The following PAK1 variants were observed in gnomAD, a reference collection of about 807,000 sequenced individuals.
The protein encoded by PAK1 is serine/threonine-protein kinase PAK 1.
A neutral mutation model predicts 67.4 loss-of-function variants in PAK1; 29 were observed. The ratio of observed to expected loss-of-function variants is 0.43; its 90% CI spans 0.32 to 0.59. The LOEUF (loss-of-function observed/expected upper bound fraction) is 0.59, where lower values mean the gene tolerates loss of function less well. PAK1 is among the 20% of genes least tolerant of loss of function. The pLI is 0.07. For missense variants in PAK1, 337 were observed against 670.7 expected, an observed-to-expected ratio of 0.50 and a Z score of 5.50; for synonymous variants, 223 against 237.4, an observed-to-expected ratio of 0.94 and a Z score of 0.56.
At chr11:77,509,395 TC>T in the PAK1 span, among the ~76,000 whole-genome samples, 1 of 152,234 alleles carries the variant, frequency 6.6e-6, no homozygotes, top group Non-Finnish European at 1.5e-5. Flanking sequence ...AAATGAATTA[TC>T]CATTATAAAA....
chr11:77,434,421 T>C (rs1956013098), intron 1 of PAK1, among the ~76,000 whole-genome samples: 1 of 152,068 alleles, frequency 6.6e-6, no homozygotes, highest in South Asian at 2.1e-4. Flanking sequence ...CATGTTTCTT[T>C]TAGGAGGACA....
chr11:77,463,506 C>T (rs1957456142), intron 1 of PAK1, among the ~76,000 whole-genome samples: 1 of 152,218 alleles, frequency 6.6e-6, no homozygotes, highest in South Asian at 2.1e-4. Context: ...TAGCCAGAGG[C>T]AGTCTCAAGA....
At chr11:77,387,874 A>G (rs1950644996) in intron 2 of PAK1, among the ~76,000 whole-genome samples, 1 of 152,234 alleles carries the variant, frequency 6.6e-6, no homozygotes, top group Non-Finnish European at 1.5e-5. Context: ...CACTTCAAAG[A>G]CTACCAACAC....
At chr11:77,458,697 G>T (rs1957185788) in intron 1 of PAK1, among the ~76,000 whole-genome samples, 1 of 152,178 alleles carries the variant, frequency 6.6e-6, no homozygotes, top group Admixed American at 6.5e-5. Context: ...TTGAGTGGGG[G>T]CTAATTTTAT....
chr11:77,493,844 T>C, the PAK1 span, among the ~76,000 whole-genome samples: 9 of 152,156 alleles, frequency 5.9e-5, no homozygotes, highest in African/African-American at 2.2e-4. Context: ...AGAAAACAAG[T>C]TCACAGAATT....
intron 11 of PAK1, among the ~76,000 whole-genome samples, chr11:77,339,682 T>C (rs138357151): frequency 6.6e-6 from 1 of 152,166 alleles, no homozygotes; most frequent in Non-Finnish European, 1.5e-5. Context: ...TTCAGCAGTA[T>C]GCCTTCAGCT....
At chr11:77,485,026 C>T in the PAK1 span, among the ~76,000 whole-genome samples, 3 of 152,098 alleles carry the variant, frequency 2.0e-5, no homozygotes, top group African/African-American at 7.2e-5. Context: ...AGACTTATTC[C>T]CTATCACAAG....
chr11:77,336,129 A>G lies in PAK1; in HGVS notation c.1370T>C (p.Met457Thr). Reference protein sequence around the residue: ...IWSLGIMAIEMIEGEPPYLNE... With the variant: ...IWSLGIMAIETIEGEPPYLNE... ...GAGGTATGGAGGCTCCCCTTCAATC[A>G]TTTCGATGGCCATGATGCCCAGGGA... is the stretch of plus-strand genomic sequence containing the variant. Residue 457 changes from methionine to threonine, a missense_variant, in exon 13 of 15, where the codon ATG (methionine) becomes ACG (threonine). This residue lies in a region of PAK1 where 71 missense variants were observed against 160.5 expected (regional missense o/e 0.44). Transcript: ENST00000356341. 6.2e-7 allele frequency: 1 copy of G among 1,613,296 alleles called. No individual in the cohort carries two copies. The highest frequency in any genetic ancestry group is 8.5e-7 in the Non-Finnish European group (1 of 1,179,360).
the PAK1 span, among the ~76,000 whole-genome samples, chr11:77,507,055 C>T: frequency 2.0e-5 from 3 of 152,054 alleles, no homozygotes; most frequent in African/African-American, 7.2e-5. Context: ...GTTGAATGAC[C>T]GAGTATGGAT....
intron 1 of PAK1, among the ~76,000 whole-genome samples, chr11:77,402,855 T>C (rs1214135738): frequency 6.6e-6 from 1 of 152,156 alleles, no homozygotes; most frequent in African/African-American, 2.4e-5. Context: ...AATCAATCAG[T>C]CCTACAGTTT....
intron 7 of PAK1, among the ~76,000 whole-genome samples, chr11:77,355,283 T>C (rs1031994350): frequency 1.3e-5 from 2 of 152,230 alleles, no homozygotes; most frequent in African/African-American, 4.8e-5. Context: ...CAGATGCGTC[T>C]TCTCCTAGGT....
At chr11:77,336,338 T>A in intron 12 of PAK1, 56 bp from the exon 13 acceptor site, 1 of 1,373,168 alleles carries the variant, frequency 7.3e-7, no homozygotes, top group Non-Finnish European at 1.0e-6. Context: ...CTCACTTCAG[T>A]AAGTGTTGAC....
intron 1 of PAK1, among the ~76,000 whole-genome samples, chr11:77,465,075 A>C (rs1239933230): frequency 6.6e-6 from 1 of 151,992 alleles, no homozygotes. Context: ...ACTGTCCTGG[A>C]ACCTTTACCA....
the PAK1 span, among the ~76,000 whole-genome samples, chr11:77,488,435 A>C: frequency 6.6e-6 from 1 of 152,196 alleles, no homozygotes. Context: ...TGAGATCACC[A>C]AATGAACTAA....
At chr11:77,376,654 A>G (rs497946) in intron 4 of PAK1, among the ~76,000 whole-genome samples, 105,725 of 150,634 alleles carry the variant, frequency 0.7, 37,924 homozygotes, top group African/African-American at 0.85. Flanking sequence ...GAAGAATTGC[A>G]TGAACCCAGG....
At position 77,332,802 on chromosome 11, in the gene PAK1, G is replaced by A. The variant is rs1941946315; in HGVS notation, c.1479C>T (p.Ile493=). 1 of 1,613,222 alleles carries A rather than the reference G, an allele frequency of 6.2e-7. No individual in the cohort carries two copies. The highest frequency in any genetic ancestry group is 1.7e-5 in the Admixed American group (1 of 60,014). ...ELQNPEKLSA[I]FRDFLNRCLE... ...GACAGCGGTTCAGAAAGTCCCGGAA[G>A]ATAGCTGACAGCTTCTCTGGGTTCT... The change falls in exon 14 of 15, where the codon ATC becomes ATT. Residue 493 remains isoleucine, a synonymous_variant. Transcript: ENST00000356341.
upstream of PAK1, among the ~76,000 whole-genome samples, chr11:77,478,811 T>A (rs146251143): frequency 8.2e-4 from 123 of 149,964 alleles, no homozygotes; most frequent in African/African-American, 2.9e-3. Flanking sequence ...GCGCAGTGGC[T>A]CATGCCTGTA....
intron 1 of PAK1, among the ~76,000 whole-genome samples, chr11:77,405,652 AAGACAGAC>A (rs55978730): frequency 2.6e-4 from 35 of 135,874 alleles, no homozygotes; most frequent in Admixed American, 8.0e-4. Context: ...CTCCTATTCA[AAGACAGAC>A]AGACAGACAG....
upstream of PAK1, among the ~76,000 whole-genome samples, chr11:77,477,567 CAAA>C (rs61075974): frequency 2.4e-5 from 2 of 84,194 alleles, no homozygotes; most frequent in Non-Finnish European, 4.1e-5. Context: ...ACCATCTCTA[CAAA>C]AAAAAAAAAA....
Sources: allele counts gnomAD v4.1 joint callset (sites outside exome capture counted in the v4.1 genomes callset), GRCh38; gene constraint gnomAD v4.1.1; regional missense constraint gnomAD v4.1.1; transcripts MANE v1.5; gene names NCBI Gene and HGNC (gene_info 2026-07-23, HGNC 2026-07-21).